The following PLPP1 variants were observed in gnomAD, a reference collection of about 807,000 sequenced individuals.
PLPP1 encodes the protein phospholipid phosphatase 1, also known as lipid phosphate phosphohydrolase 1a.
A neutral mutation model predicts 31.2 loss-of-function variants in PLPP1; 24 were observed. The ratio of observed to expected loss-of-function variants is 0.77; its 90% CI spans 0.56 to 1.08. The LOEUF is 1.08. PLPP1 is among the 50% of genes least tolerant of loss of function. The pLI, the probability that PLPP1 is intolerant of heterozygous loss-of-function variation, is 0.00. For missense variants in PLPP1, 319 were observed against 342.7 expected (o/e 0.93, Z 0.55); for synonymous variants, 146 against 126.3 (o/e 1.16, Z -1.05).
intron 2 of PLPP1, among the ~76,000 whole-genome samples, chr5:55,469,994 G>A (rs1752384074): frequency 6.6e-6 from 1 of 152,154 alleles, no homozygotes; most frequent in Admixed American, 6.5e-5. Flanking sequence ...TACATGTTAA[G>A]CCCCATAAAA....
chr5:55,512,358 C>T (rs547967497), intron 1 of PLPP1, among the ~76,000 whole-genome samples: 1 of 151,350 alleles, frequency 6.6e-6, no homozygotes, highest in Admixed American at 6.6e-5. Context: ...GTAATCCCAG[C>T]TATTTGGGAG....
At chr5:55,425,526 T>C in intron 5 of PLPP1, 192 bp from the exon 6 acceptor site, 2 of 532,634 alleles carry the variant, frequency 3.8e-6, no homozygotes, top group Non-Finnish European at 6.2e-6. Flanking sequence ...TGCTTTGTTA[T>C]GCCTTCAGCA....
intron 4 of PLPP1, among the ~76,000 whole-genome samples, chr5:55,429,843 AC>A (rs1751304468): frequency 6.6e-6 from 1 of 152,002 alleles, no homozygotes; most frequent in Non-Finnish European, 1.5e-5. Flanking sequence ...TCCTGCAGAT[AC>A]CATCTGGGGC....
intron 1 of PLPP1, among the ~76,000 whole-genome samples, chr5:55,477,288 G>T (rs1372310968): frequency 6.6e-6 from 1 of 152,058 alleles, no homozygotes; most frequent in Non-Finnish European, 1.5e-5. Context: ...ATTATTGGCT[G>T]CCCCATGCAG....
At chr5:55,530,337 G>A in intron 1 of PLPP1, 1 of 1,410,476 alleles carries the variant, frequency 7.1e-7, no homozygotes. Flanking sequence ...ACATGTCACA[G>A]GAACTATCTG....
At chr5:55,511,142 C>T (rs767011519) in intron 1 of PLPP1, among the ~76,000 whole-genome samples, 1 of 152,124 alleles carries the variant, frequency 6.6e-6, no homozygotes, top group Non-Finnish European at 1.5e-5. Flanking sequence ...ATATTCATTG[C>T]CTAATAGTAA....
rs145373271 is a variant in PLPP1, at chr5:55,508,238, T to C, written c.58+26334A>G. ...CAGGGCCTGCTACTCTCCACAGCTA[T>C]ACAAATGAAATATGAAGTTTATTTC... On this transcript the variant is annotated intron_variant, in intron 1 of 5. Coordinates refer to ENST00000307259, the MANE Select transcript of PLPP1 (RefSeq NM_003711.4). 3.2e-3 allele frequency among the ~76,000 whole-genome samples: 492 copies of C among 152,296 alleles called. 14 individuals carry two copies. Among genetic ancestry groups the C allele is most frequent in the Non-Finnish European group, 1.1e-3 (76 of 68,014 alleles).
intron 1 of PLPP1, among the ~76,000 whole-genome samples, chr5:55,481,664 T>G (rs1752670095): frequency 6.6e-6 from 1 of 152,142 alleles, no homozygotes; most frequent in Non-Finnish European, 1.5e-5. Context: ...GTGAAATATT[T>G]CAGGAAATAC....
intron 3 of PLPP1, among the ~76,000 whole-genome samples, chr5:55,442,885 T>G (rs535175131): frequency 6.6e-6 from 1 of 152,144 alleles, no homozygotes; most frequent in South Asian, 2.1e-4. Context: ...GAGCCACTGA[T>G]GCAGAAGAGG....
intron 4 of PLPP1, among the ~76,000 whole-genome samples, chr5:55,427,740 CATT>C (rs1751242071): frequency 6.8e-6 from 1 of 147,482 alleles, no homozygotes; most frequent in East Asian, 2.0e-4. Context: ...ATTTACTTAA[CATT>C]ATCAATAATC....
rs779987778 is a variant in PLPP1 at position 55,475,328 on chromosome 5, C to T, written c.181G>A (p.Gly61Arg). The change falls in exon 2 of 6, where the codon GGA becomes AGA. Residue 61 changes from glycine to arginine, a missense_variant. Transcript: ENST00000307259. Reference sequence around the variant, plus strand: ...ATAATACTGAATGGAATGATTATTCCACCTAATAACGCATAAGGTATGGTG... The same window carrying T: ...ATAATACTGAATGGAATGATTATTCTACCTAATAACGCATAAGGTATGGTG... ...EDTIPYALLG[G>R]IIIPFSIIVI... The T allele has an allele frequency of 6.2e-7, 1 of 1,611,748 alleles. No homozygotes were observed. Among genetic ancestry groups the T allele is most frequent in the Non-Finnish European group, 8.5e-7 (1 of 1,178,816 alleles).
At chr5:55,471,897 C>T (rs1334430446) in intron 2 of PLPP1, among the ~76,000 whole-genome samples, 1 of 151,548 alleles carries the variant, frequency 6.6e-6, no homozygotes, top group Non-Finnish European at 1.5e-5. Context: ...GGCAGGAGGG[C>T]TGCTTGAGCC....
At chr5:55,458,887 C>CAAAAAAAAAAAAAAA (rs529067608) in intron 3 of PLPP1, among the ~76,000 whole-genome samples, 5 of 21,104 alleles carry the variant, frequency 2.4e-4, no homozygotes, top group Non-Finnish European at 2.9e-4. Context: ...ACCCTGTCTC[C>CAAAAAAAAAAAAAAA]AAAAAAAAAA....
At chr5:55,462,919 G>A (rs969038373) in intron 3 of PLPP1, among the ~76,000 whole-genome samples, 6 of 151,796 alleles carry the variant, frequency 4.0e-5, no homozygotes, top group Non-Finnish European at 7.4e-5. Flanking sequence ...CTTGCAGAGA[G>A]CCAAGATCGT....
intron 3 of PLPP1, among the ~76,000 whole-genome samples, chr5:55,453,535 C>T (rs982419454): frequency 5.9e-5 from 9 of 152,204 alleles, no homozygotes; most frequent in Non-Finnish European, 1.2e-4. Context: ...ATAATGTGTG[C>T]AAAATGCCTC....
At chr5:55,471,391 G>T (rs934004539) in intron 2 of PLPP1, among the ~76,000 whole-genome samples, 10 of 152,002 alleles carry the variant, frequency 6.6e-5, no homozygotes, top group African/African-American at 1.9e-4. Flanking sequence ...TAGTAGAGAA[G>T]GAGTTTCACC....
chr5:55,511,659 T>G (rs955106269), intron 1 of PLPP1, among the ~76,000 whole-genome samples: 3 of 96,168 alleles, frequency 3.1e-5, no homozygotes, highest in African/African-American at 1.1e-4. Context: ...AGTTTTTTTT[T>G]TTTTTTTTTT....
At chr5:55,444,806 A>G (rs562275601) in intron 3 of PLPP1, among the ~76,000 whole-genome samples, 1 of 131,928 alleles carries the variant, frequency 7.6e-6, no homozygotes, top group African/African-American at 2.8e-5. Flanking sequence ...GCTGGAGTGC[A>G]GTGGCGTGAT....
At chr5:55,472,966 T>C (rs1024989856) in intron 2 of PLPP1, among the ~76,000 whole-genome samples, 1 of 152,172 alleles carries the variant, frequency 6.6e-6, no homozygotes, top group Non-Finnish European at 1.5e-5. Flanking sequence ...TCTGCTAGCA[T>C]GGCATCCTTT....
Sources: gnomAD v4.1 joint callset for allele counts (sites outside exome capture counted in the v4.1 genomes callset) on GRCh38, gnomAD v4.1.1 for gene constraint, MANE v1.5 for transcripts, NCBI Gene and HGNC (gene_info 2026-07-23, HGNC 2026-07-21) for gene names.